PTER: variants seen among roughly 807,000 people sequenced by gnomAD.
PTER encodes N-acetyltaurine hydrolase.
In PTER, 38 loss-of-function variants were observed where a neutral mutation model predicts 29.6. That is an observed-to-expected ratio of 1.28 (90% CI 0.99 to 1.68). The LOEUF (loss-of-function observed/expected upper bound fraction) is 1.68. Ranked by LOEUF, PTER falls within the 40% of genes most tolerant of loss-of-function variation. The pLI, the probability that PTER is intolerant of heterozygous loss-of-function variation, is 0.00. For missense variants in PTER, 482 were observed against 427.8 expected, an observed-to-expected ratio of 1.13 and a Z score of -1.12; for synonymous variants, 172 against 154.5, an observed-to-expected ratio of 1.11 and a Z score of -0.84.
chr10:16,488,729 A>C (rs766596008), intron 3 of PTER, among the ~76,000 whole-genome samples: 13 of 151,966 alleles, frequency 8.6e-5, no homozygotes, highest in Non-Finnish European at 1.3e-4. Flanking sequence ...TCAGCCTCCC[A>C]AGAAGCTGGG....
intron 1 of PTER, among the ~76,000 whole-genome samples, chr10:16,481,216 A>T (rs1398732612): frequency 1.3e-5 from 2 of 152,210 alleles, no homozygotes; most frequent in Non-Finnish European, 2.9e-5. Flanking sequence ...TATGTGAGTG[A>T]TGCTTAAGCC....
chr10:16,508,283 T>C (rs1231902578), intron 4 of PTER, among the ~76,000 whole-genome samples: 3 of 152,062 alleles, frequency 2.0e-5, no homozygotes, highest in Non-Finnish European at 4.4e-5. Flanking sequence ...TTAGCCAGGA[T>C]GGTCTTGATC....
chr10:16,460,204 T>C (rs989679531), intron 1 of PTER, among the ~76,000 whole-genome samples: 1 of 152,230 alleles, frequency 6.6e-6, no homozygotes, highest in African/African-American at 2.4e-5. Flanking sequence ...AGATTAGGTC[T>C]TCTGGTCCTG....
At chr10:16,479,456 A>G (rs1333426022) in intron 1 of PTER, among the ~76,000 whole-genome samples, 2 of 152,098 alleles carry the variant, frequency 1.3e-5, no homozygotes, top group African/African-American at 4.8e-5. Flanking sequence ...CTGAACCTGT[A>G]TGCACAATGG....
chr10:16,482,619 T>A (rs1171262465), intron 1 of PTER, among the ~76,000 whole-genome samples: 1 of 152,152 alleles, frequency 6.6e-6, no homozygotes, highest in Non-Finnish European at 1.5e-5. Context: ...AGAACACTAT[T>A]TGAAGGAACA....
At chr10:16,467,813 T>C (rs1834895640) in intron 1 of PTER, among the ~76,000 whole-genome samples, 1 of 151,272 alleles carries the variant, frequency 6.6e-6, no homozygotes, top group Non-Finnish European at 1.5e-5. Context: ...ATAATAATAG[T>C]AAAATAAAAT....
intron 4 of PTER, among the ~76,000 whole-genome samples, chr10:16,507,269 G>T (rs959208940): frequency 2.6e-5 from 4 of 151,416 alleles, no homozygotes; most frequent in Admixed American, 6.6e-5. Flanking sequence ...ATATGTGTGT[G>T]TGTATATATA....
At chr10:16,467,676 G>A (rs992937727) in intron 1 of PTER, among the ~76,000 whole-genome samples, 2 of 152,110 alleles carry the variant, frequency 1.3e-5, no homozygotes, top group South Asian at 2.1e-4. Context: ...GCCAGGTGTG[G>A]TAGTGGGTGC....
chr10:16,465,491 A>C (rs560434963), intron 1 of PTER, among the ~76,000 whole-genome samples: 1 of 152,302 alleles, frequency 6.6e-6, no homozygotes, highest in Non-Finnish European at 1.5e-5. Flanking sequence ...CTGTAAATCA[A>C]AGCAGTTTTT....
chr10:16,486,460 A>G lies in PTER; in HGVS notation c.541A>G (p.Arg181Gly), dbSNP rs1348522278. Residue 181 changes from arginine (R) to glycine (G), a missense_variant, in exon 3 of 5, where the codon AGA becomes GGA. By Grantham distance (125) the Arg-to-Gly change is moderately radical (BLOSUM62 -2). Coordinates refer to ENST00000535784, the MANE Select transcript of PTER (RefSeq NM_001261836.2). ...GCSWPLTESE[R>G]KVLQATAHAQ... ...CTCCTGGCCTTTGACTGAGAGTGAA[A>G]GAAAGGTTCTCCAGGCCACAGCTCA... is the stretch of plus-strand genomic sequence containing the variant. The G allele has an allele frequency of 8.1e-6, 13 of 1,613,970 alleles. No homozygotes were observed. Among genetic ancestry groups the G allele is most frequent in the South Asian group, 1.1e-5 (1 of 91,084 alleles).
chr10:16,471,200 A>G (rs1382633402), intron 1 of PTER, among the ~76,000 whole-genome samples: 1 of 152,230 alleles, frequency 6.6e-6, no homozygotes, highest in Non-Finnish European at 1.5e-5. Context: ...CAGGAACAAT[A>G]TCAAGTCTCA....
At chr10:16,499,509 G>A (rs968227717) in intron 3 of PTER, among the ~76,000 whole-genome samples, 3 of 151,510 alleles carry the variant, frequency 2.0e-5, no homozygotes, top group East Asian at 1.9e-4. Context: ...TGGCTTGATC[G>A]TGACTCACTG....
intron 4 of PTER, 99 bp from the exon 5 acceptor site, chr10:16,510,947 T>G (rs911516504): frequency 8.2e-6 from 8 of 979,938 alleles, no homozygotes; most frequent in African/African-American, 1.6e-5. Context: ...TCAGTATCTT[T>G]ACGACAAGCA....
At chr10:16,469,301 G>T (rs1834960144) in intron 1 of PTER, among the ~76,000 whole-genome samples, 1 of 152,144 alleles carries the variant, frequency 6.6e-6, no homozygotes, top group African/African-American at 2.4e-5. Context: ...GGTTCATAGG[G>T]TACTATCAGG....
intron 3 of PTER, among the ~76,000 whole-genome samples, chr10:16,501,021 T>A (rs1469967637): frequency 6.6e-6 from 1 of 152,096 alleles, no homozygotes; most frequent in Non-Finnish European, 1.5e-5. Flanking sequence ...AACCTCTGCC[T>A]TCCAGGGTCA....
intron 1 of PTER, among the ~76,000 whole-genome samples, chr10:16,474,420 AT>A (rs567037841): frequency 3.4e-3 from 521 of 152,296 alleles, no homozygotes; most frequent in Non-Finnish European, 5.7e-3. Context: ...ATTAGGGCAT[AT>A]TTATAATGAT....
chr10:16,515,645 A>G (rs1836939091), downstream of PTER, among the ~76,000 whole-genome samples: 1 of 152,190 alleles, frequency 6.6e-6, no homozygotes, highest in South Asian at 2.1e-4. Flanking sequence ...CAAATTGCCT[A>G]TCATCTCATG....
intron 1 of PTER, among the ~76,000 whole-genome samples, chr10:16,472,177 A>G (rs1327346111): frequency 6.6e-6 from 1 of 152,240 alleles, no homozygotes; most frequent in African/African-American, 2.4e-5. Flanking sequence ...CTGGATATCT[A>G]TAAATAAAAA....
At chr10:16,488,831 T>G (rs1391132496) in intron 3 of PTER, among the ~76,000 whole-genome samples, 1 of 152,192 alleles carries the variant, frequency 6.6e-6, no homozygotes, top group Non-Finnish European at 1.5e-5. Context: ...CTCAAACTCC[T>G]GAGCTCAAGC....
Sources: gnomAD v4.1 joint callset for allele counts (sites outside exome capture counted in the v4.1 genomes callset) on GRCh38, gnomAD v4.1.1 for gene constraint, MANE v1.5 for transcripts, NCBI Gene and HGNC (gene_info 2026-07-23, HGNC 2026-07-21) for gene names.